Variants in BRD9 observed in about 807,000 individuals in gnomAD.
BRD9 encodes bromodomain containing 9.
In BRD9, 47 loss-of-function variants were observed where a neutral mutation model predicts 68.7. The ratio of observed to expected loss-of-function variants is 0.68; its 90% confidence interval spans 0.54 to 0.87. The LOEUF is 0.87. BRD9 is among the 40% of genes least tolerant of loss of function. The pLI, the probability that BRD9 is intolerant of heterozygous loss-of-function variation, is 0.00. For synonymous variants in BRD9, 313 were observed against 293.9 expected, an observed-to-expected ratio of 1.06 and a Z score of -0.67; for missense variants, 670 against 748.4, an observed-to-expected ratio of 0.90 and a Z score of 1.22.
chr5:873,879 C>T (rs760530309), intron 12 of BRD9, among the ~76,000 whole-genome samples: 1 of 152,200 alleles, frequency 6.6e-6, no homozygotes, highest in Admixed American at 6.5e-5. Flanking sequence ...ACAGCAGAGA[C>T]CACGCTGAAA....
At chr5:882,818 A>G (rs1751977241) in intron 8 of BRD9, 2 of 181,720 alleles carry the variant, frequency 1.1e-5, no homozygotes, top group Non-Finnish European at 2.3e-5. Flanking sequence ...TAAGCCAGAG[A>G]CCACAGCAAC....
At position 881,123 on chromosome 5, in the gene BRD9, G is replaced by A. The variant is rs34850801; in HGVS notation, c.1026C>T (p.Ala342=). ...GGCACCCACCATCAGCGTCCGGCTC[G>A]GCCGTGTTGACCACGCTGTAGAGCA... ...GSLLYSVVNT[A]EPDADEEETH... Residue 342 remains alanine, a synonymous_variant, in exon 9 of 16, where the codon GCC becomes GCT. Transcript: ENST00000467963. The A allele has an allele frequency of 7.9e-3, 12,706 of 1,613,962 alleles. 665 individuals are homozygous for A. In the African/African-American group the frequency reaches 0.13, roughly 16 times the overall value.
chr5:867,899 A>G (rs1749587388), intron 14 of BRD9, among the ~76,000 whole-genome samples: 1 of 152,230 alleles, frequency 6.6e-6, no homozygotes, highest in Admixed American at 6.5e-5. Flanking sequence ...GGAAGGCATG[A>G]TTGTGTTTTG....
At position 884,032 on chromosome 5, in the gene BRD9, G is replaced by A. The variant is rs748289899; in HGVS notation, c.872C>T (p.Thr291Met). ...FEPEGNACSL[T>M]DSTAEEHVLA... ...CACGTGCTCCTCTGCGGTACTGTCCGTCAAGCTGCAGGCATTCCCTTCAGG... is the reference window on the plus strand; with the variant it reads ...CACGTGCTCCTCTGCGGTACTGTCCATCAAGCTGCAGGCATTCCCTTCAGG... The change falls in exon 8 of 16, where the codon ACG (threonine) becomes ATG (methionine). Residue 291 changes from threonine (T) to methionine (M), a missense_variant. This residue lies in a region of BRD9 where 135 missense variants were observed against 141.2 expected (regional missense o/e 0.96). Transcript: ENST00000467963. 31 of 1,613,686 alleles carry A rather than the reference G, an allele frequency of 1.9e-5. No individual in the cohort carries two copies. The highest frequency in any genetic ancestry group is 2.5e-5 in the Non-Finnish European group (29 of 1,180,042).
intron 11 of BRD9, 56 bp downstream of exon 11, chr5:878,299 C>A: frequency 1.2e-6 from 2 of 1,602,630 alleles, no homozygotes; most frequent in Admixed American, 1.7e-5. Context: ...ACGTCCCACA[C>A]CAGGGCACAG....
At chr5:887,062 T>C (rs10078525) in intron 6 of BRD9, among the ~76,000 whole-genome samples, 19 of 152,310 alleles carry the variant, frequency 1.2e-4, no homozygotes, top group Admixed American at 1.2e-3. Flanking sequence ...CTGGATTCAG[T>C]GAGGCAGTCA....
At chr5:890,368 C>G (rs907844640) in intron 3 of BRD9, among the ~76,000 whole-genome samples, 1 of 152,250 alleles carries the variant, frequency 6.6e-6, no homozygotes, top group Middle Eastern at 3.4e-3. Flanking sequence ...TGTCCCAAAG[C>G]CCAGCCGTCT....
chr5:878,410 T>C lies in BRD9; in HGVS notation c.1216A>G (p.Met406Val). 4 of 1,493,700 alleles carry C rather than the reference T, an allele frequency of 2.7e-6. No homozygotes were observed. The highest frequency in any genetic ancestry group is 3.6e-6 in the Non-Finnish European group (4 of 1,102,492). 92.5% of individuals were successfully genotyped at this position (1,493,700 alleles called of 1,614,324 possible). The change falls in exon 11 of 16, where the codon ATG becomes GTG. Residue 406 changes from methionine to valine, a missense_variant. Around this residue, in one of 5 missense-constraint regions of BRD9, gnomAD observed 280 missense variants for 281.5 expected, o/e 0.99. Coordinates refer to ENST00000467963, the MANE Select transcript of BRD9 (RefSeq NM_023924.5). ...SVFGDLKSDE[M>V]ELLYSAYGDE... ...CCGTAGGCTGAGTAGAGCAGCTCCA[T>C]CTCGTCCGACTTCAAGTCGCCAAAT... is the stretch of plus-strand genomic sequence containing the variant.
At chr5:884,202 T>C (rs1042046302) in intron 7 of BRD9, 132 bp from the exon 8 acceptor site, 2 of 1,055,248 alleles carry the variant, frequency 1.9e-6, no homozygotes, top group Non-Finnish European at 2.7e-6. Context: ...CATACTTAAC[T>C]CCTTTTAGGT....
chr5:876,301 A>G, intron 11 of BRD9, 89 bp from the exon 12 acceptor site: 2 of 955,412 alleles, frequency 2.1e-6, no homozygotes, highest in East Asian at 2.6e-5. Context: ...CTGCCGTGCC[A>G]GCGCAGCTCC....
chr5:881,269 G>C (rs1751710591), intron 8 of BRD9, 87 bp from the exon 9 acceptor site: 2 of 1,255,570 alleles, frequency 1.6e-6, no homozygotes, highest in East Asian at 4.9e-5. Context: ...AGGGCTTAAT[G>C]GGGGTGAAAG....
At chr5:884,204 C>G (rs1752222813) in intron 7 of BRD9, 134 bp from the exon 8 acceptor site, 1 of 1,050,558 alleles carries the variant, frequency 9.5e-7, no homozygotes, top group Admixed American at 2.5e-5. Context: ...TACTTAACTC[C>G]TTTTAGGTCT....
intron 7 of BRD9, among the ~76,000 whole-genome samples, chr5:884,501 T>C (rs1579986559): frequency 6.6e-6 from 1 of 152,134 alleles, no homozygotes; most frequent in Non-Finnish European, 1.5e-5. Context: ...CTGGGCTGGG[T>C]GGACAGCAGC....
intron 12 of BRD9, among the ~76,000 whole-genome samples, chr5:873,806 G>A (rs56356016): frequency 0.038 from 5,712 of 152,250 alleles, 337 homozygotes; most frequent in African/African-American, 0.13. Context: ...ACCCCTCCTT[G>A]GGAGCCATGA....
chr5:865,367 A>C, intron 15 of BRD9, 47 bp downstream of exon 15: 1 of 1,516,196 alleles, frequency 6.6e-7, no homozygotes, highest in Non-Finnish European at 8.8e-7. Flanking sequence ...CGTCACACTG[A>C]CTGTGCTGGG....
At position 892,598 on chromosome 5, in the gene BRD9, C is replaced by A. The variant is rs1435211752; in HGVS notation, c.52+8G>T. ...CCCGCCGCGCGTCACAAAGCGCCGC[C>A]GCCTCACCCTCGTAGGACGAGCGCC... On this transcript the variant is annotated splice_region_variant and intron_variant, in intron 1 of 15. Transcript: ENST00000467963. 1 of 1,535,490 alleles carries A rather than the reference C, an allele frequency of 6.5e-7. No individual in the cohort carries two copies.
chr5:882,854 T>A lies in BRD9; in HGVS notation c.966+1084A>T, dbSNP rs536044740. On this transcript the variant is annotated intron_variant, in intron 8 of 15. Transcript: ENST00000467963. ...TTCCCAACACACGAGCCACGCAGAC[T>A]GCAACCTCCCAACACACAAGCCACA... The A allele has an allele frequency of 5.8e-4, 92 of 158,136 alleles. 1 individual carries two copies. In the Admixed American group the frequency reaches 6.4e-3, roughly 11 times the overall value. The allele number at this position is 158,136 out of a possible 1,614,324, so 9.8% of individuals were successfully genotyped here. A position where few individuals can be genotyped will look rare whatever the true frequency, so the allele number is the denominator to read the frequency against.
chr5:891,701 T>A lies in BRD9; in HGVS notation c.206A>T (p.Lys69Met). ...CTCCTTCTCGGACTTCTTCTTCTTC[T>A]TCTTTTTCTTTTCTTTGTGCCTCTC... ...ERERHKEKKK[K>M]KKKKSEKEKH... is the part of the protein sequence containing the mutation. The change falls in exon 2 of 16, where the codon AAG becomes ATG. Residue 69 changes from lysine to methionine, a missense_variant. Lys to Met is a moderately conservative substitution (Grantham distance 95). Coordinates refer to ENST00000467963, the MANE Select transcript of BRD9 (RefSeq NM_023924.5). 1 of 1,551,682 alleles carries A rather than the reference T, an allele frequency of 6.4e-7. No individual in the cohort carries two copies. Among genetic ancestry groups the A allele is most frequent in the Non-Finnish European group, 8.7e-7 (1 of 1,147,008 alleles).
intron 14 of BRD9, chr5:869,551 ATC>A (rs1246643849): frequency 2.9e-6 from 1 of 346,028 alleles, no homozygotes; most frequent in Non-Finnish European, 5.6e-6. Flanking sequence ...TTAACTAACA[ATC>A]TGGTACCTTT....
Sources: gnomAD v4.1 joint callset for allele counts (sites outside exome capture counted in the v4.1 genomes callset) on GRCh38, gnomAD v4.1.1 for gene constraint, gnomAD v4.1.1 regional missense constraint, MANE v1.5 for transcripts, NCBI Gene and HGNC (gene_info 2026-07-23, HGNC 2026-07-21) for gene names.